NRCAM: variants seen among roughly 807,000 people sequenced by gnomAD.
NRCAM encodes the protein neuronal cell adhesion molecule, also known as NgCAM-related cell adhesion molecule.
A neutral mutation model predicts 156.5 loss-of-function variants in NRCAM; 83 were observed. The observed-to-expected ratio is 0.53, with a 90% CI of 0.44 to 0.64. The LOEUF is 0.64. NRCAM is among the 30% of genes least tolerant of loss of function. NRCAM has a pLI of 0.00. For synonymous variants in NRCAM, 538 were observed against 563.9 expected (o/e 0.95, Z 0.65); for missense variants, 1,417 against 1,597.3 (o/e 0.89, Z 1.92).
intron 28 of NRCAM, among the ~76,000 whole-genome samples, chr7:108,170,262 G>C (rs992747366): frequency 4.6e-5 from 7 of 152,128 alleles, no homozygotes; most frequent in Non-Finnish European, 7.3e-5. Flanking sequence ...GATGAACCTG[G>C]AGGATACTAT....
intron 2 of NRCAM, among the ~76,000 whole-genome samples, chr7:108,391,579 A>G (rs1430345625): frequency 6.6e-6 from 1 of 151,986 alleles, no homozygotes; most frequent in Non-Finnish European, 1.5e-5. Flanking sequence ...TTTACATTTA[A>G]GGTTAATATT....
chr7:108,317,391 G>A (rs1274016065), intron 2 of NRCAM, among the ~76,000 whole-genome samples: 1 of 152,010 alleles, frequency 6.6e-6, no homozygotes, highest in Non-Finnish European at 1.5e-5. Flanking sequence ...TTGATTAGAG[G>A]GTATTAAATA....
intron 2 of NRCAM, among the ~76,000 whole-genome samples, chr7:108,319,224 T>C (rs145810872): frequency 2.9e-3 from 443 of 152,330 alleles, no homozygotes; most frequent in Non-Finnish European, 5.3e-3. Flanking sequence ...GACATGATAT[T>C]TGTAGGAAAA....
At chr7:108,211,240 C>T (rs563876211) in intron 11 of NRCAM, among the ~76,000 whole-genome samples, 19 of 152,258 alleles carry the variant, frequency 1.2e-4, no homozygotes, top group African/African-American at 4.3e-4. Flanking sequence ...CTTGGGAGCT[C>T]GCTGGGTCCC....
chr7:108,398,290 C>T (rs1031484155), intron 2 of NRCAM, among the ~76,000 whole-genome samples: 1 of 152,186 alleles, frequency 6.6e-6, no homozygotes, highest in African/African-American at 2.4e-5. Context: ...TGACATTTTC[C>T]TACTTCCCAT....
intron 2 of NRCAM, among the ~76,000 whole-genome samples, chr7:108,313,472 C>T (rs886221248): frequency 2.6e-5 from 4 of 152,186 alleles, no homozygotes; most frequent in African/African-American, 9.6e-5. Context: ...GTACTATCAA[C>T]CTCTGAAAAA....
At chr7:108,399,768 GA>G in intron 1 of NRCAM, among the ~76,000 whole-genome samples, 175 bp from the exon 2 acceptor site, 1 of 152,238 alleles carries the variant, frequency 6.6e-6, no homozygotes, top group East Asian at 1.9e-4. Context: ...CAATGTCTAA[GA>G]AATTTTAAGC....
intron 2 of NRCAM, among the ~76,000 whole-genome samples, chr7:108,333,700 A>G (rs992321580): frequency 6.6e-6 from 1 of 152,192 alleles, no homozygotes; most frequent in Non-Finnish European, 1.5e-5. Context: ...CCCTAACCCA[A>G]GAAATTCAGA....
rs2095423054 is a variant in NRCAM at position 108,239,974 on chromosome 7, C to T, written c.91G>A (p.Glu31Lys). The change falls in exon 4 of 33, where the codon GAA (glutamate) becomes AAA (lysine). Residue 31 changes from glutamate (E) to lysine (K), a missense_variant. This residue lies in a region of NRCAM where 1,238 missense variants were observed against 1,336.4 expected (regional missense o/e 0.93). Coordinates refer to ENST00000379028, the MANE Select transcript of NRCAM (RefSeq NM_001037132.4). ...TAATACTTACGATCAAGAGGTACTT[C>T]CAGTGCACTAATCATCTGGCACAGG... is the stretch of plus-strand genomic sequence containing the variant. Reference protein sequence around the residue: ...LFLCQMISALEVPLDPKLLED... With the variant: ...LFLCQMISALKVPLDPKLLED... The T allele has an allele frequency of 1.2e-6, 2 of 1,610,552 alleles. No homozygotes were observed. Among genetic ancestry groups the T allele is most frequent in the African/African-American group, 1.3e-5 (1 of 74,820 alleles).
rs57080734 is a variant in NRCAM at position 108,424,117 on chromosome 7, A to G, written c.-331-24524T>C. On this transcript the variant is annotated intron_variant, in intron 1 of 32. Transcript: ENST00000379028. ...CGACCTTGGATTATGCACTCACATG[A>G]AAGAAAAGAAACCATATCCCTTCAC... Among the ~76,000 whole-genome samples the G allele has an allele frequency of 5.0e-3, 766 of 152,282 alleles. 7 individuals carry two copies. Among genetic ancestry groups the G allele is most frequent in the African/African-American group, 0.018 (739 of 41,554 alleles).
At chr7:108,150,179 T>C in intron 32 of NRCAM, 32 bp from the exon 33 acceptor site, 2 of 1,553,660 alleles carry the variant, frequency 1.3e-6, no homozygotes, top group Non-Finnish European at 8.7e-7. Context: ...TTTGTCAAGA[T>C]TGGCATTTAG....
intron 28 of NRCAM, among the ~76,000 whole-genome samples, chr7:108,172,458 G>A (rs2058826584): frequency 6.6e-6 from 1 of 151,966 alleles, no homozygotes; most frequent in East Asian, 1.9e-4. Flanking sequence ...ACCACGCCTG[G>A]CTAATTTTGG....
At chr7:108,278,096 C>G (rs1033393715) in intron 3 of NRCAM, among the ~76,000 whole-genome samples, 12 of 152,174 alleles carry the variant, frequency 7.9e-5, no homozygotes, top group Non-Finnish European at 1.8e-4. Flanking sequence ...GCTGCCTGAT[C>G]CTTCCTCTGG....
intron 10 of NRCAM, among the ~76,000 whole-genome samples, chr7:108,225,278 T>C (rs187308450): frequency 3.0e-4 from 46 of 152,332 alleles, no homozygotes; most frequent in African/African-American, 1.1e-3. Context: ...TGAGTCAGTA[T>C]TCTAGCAAGT....
intron 2 of NRCAM, among the ~76,000 whole-genome samples, chr7:108,358,337 C>G (rs1442794598): frequency 6.6e-6 from 1 of 151,418 alleles, no homozygotes; most frequent in African/African-American, 2.4e-5. Flanking sequence ...CCAGGGAGGT[C>G]GAGGCTGCAG....
chr7:108,184,501 A>T lies in NRCAM; in HGVS notation c.2149T>A (p.Tyr717Asn). ...TTCACTGCCATCACGCGGAAGGAGTAGTTCACGTAAGGAGACAGCTTCAGC... is the reference window on the plus strand; with the variant it reads ...TTCACTGCCATCACGCGGAAGGAGTTGTTCACGTAAGGAGACAGCTTCAGC... Reference protein sequence around the residue: ...AQLKLSPYVNYSFRVMAVNSI... With the variant: ...AQLKLSPYVNNSFRVMAVNSI... Residue 717 changes from tyrosine to asparagine, a missense_variant, in exon 21 of 33, where the codon TAC becomes AAC. By Grantham distance (143) the Tyr-to-Asn change is moderately radical. Transcript: ENST00000379028. 6.2e-7 allele frequency: 1 copy of T among 1,614,182 alleles called. No individual in the cohort carries two copies. Among genetic ancestry groups the T allele is most frequent in the Non-Finnish European group, 8.5e-7 (1 of 1,180,028 alleles).
At chr7:108,412,855 A>G (rs1418320416) in intron 1 of NRCAM, among the ~76,000 whole-genome samples, 1 of 152,156 alleles carries the variant, frequency 6.6e-6, no homozygotes, top group Non-Finnish European at 1.5e-5. Context: ...AGGTTCATCC[A>G]TGTTGTCGTG....
At chr7:108,314,419 C>A (rs2098853760) in intron 2 of NRCAM, among the ~76,000 whole-genome samples, 2 of 152,058 alleles carry the variant, frequency 1.3e-5, no homozygotes, top group African/African-American at 4.8e-5. Flanking sequence ...AATTTTTTAA[C>A]CAAAATGCAA....
At chr7:108,378,740 A>T (rs1490162170) in intron 2 of NRCAM, among the ~76,000 whole-genome samples, 2 of 151,708 alleles carry the variant, frequency 1.3e-5, no homozygotes, top group African/African-American at 4.8e-5. Flanking sequence ...AAGGCAACGA[A>T]AAAACCTCAG....
Sources: allele counts gnomAD v4.1 joint callset (sites outside exome capture counted in the v4.1 genomes callset), GRCh38; gene constraint gnomAD v4.1.1; regional missense constraint gnomAD v4.1.1; transcripts MANE v1.5; gene names NCBI Gene and HGNC (gene_info 2026-07-23, HGNC 2026-07-21).